NEGR1: variants seen among roughly 807,000 people sequenced by gnomAD.
The protein encoded by NEGR1 is IgLON family member 4.
In NEGR1, 10 loss-of-function variants were observed where a neutral mutation model predicts 40.9. That is an observed-to-expected ratio of 0.24 (90% CI 0.15 to 0.42). The LOEUF (loss-of-function observed/expected upper bound fraction) is 0.42, where lower values mean the gene tolerates loss of function less well. NEGR1 is among the 10% of genes least tolerant of loss of function. NEGR1 has a pLI of 1.00. For synonymous variants in NEGR1, 185 were observed against 166.8 expected (o/e 1.11, Z -0.84); for missense variants, 352 against 438.9 (o/e 0.80, Z 1.77).
chr1:72,191,996 A>C (rs967251375), intron 1 of NEGR1, among the ~76,000 whole-genome samples: 1 of 151,968 alleles, frequency 6.6e-6, no homozygotes, highest in Non-Finnish European at 1.5e-5. Context: ...ATACTGTTTT[A>C]TCTCATATAA....
At chr1:71,571,463 T>C (rs1648804999) in intron 6 of NEGR1, among the ~76,000 whole-genome samples, 1 of 152,202 alleles carries the variant, frequency 6.6e-6, no homozygotes, top group Non-Finnish European at 1.5e-5. Context: ...GGCTAAAATA[T>C]GCAAAAGCAA....
At chr1:72,120,943 G>A (rs1429931266) in intron 1 of NEGR1, among the ~76,000 whole-genome samples, 2 of 152,060 alleles carry the variant, frequency 1.3e-5, no homozygotes, top group African/African-American at 2.4e-5. Flanking sequence ...CAGTAATGAA[G>A]GTGCCAACAC....
intron 3 of NEGR1, among the ~76,000 whole-genome samples, chr1:71,735,254 C>G (rs1236335384): frequency 6.6e-6 from 1 of 152,072 alleles, no homozygotes; most frequent in Non-Finnish European, 1.5e-5. Context: ...TTACAAAACC[C>G]TAAGAGCTCC....
chr1:71,994,547 CA>C lies in NEGR1; in HGVS notation c.177-59237del, dbSNP rs1220980287. Among the ~76,000 whole-genome samples, 527 of 59,470 alleles carry C rather than the reference CA, an allele frequency of 8.9e-3. 4 individuals carry two copies. Among genetic ancestry groups the C allele is most frequent in the African/African-American group, 0.023 (438 of 19,138 alleles). The allele number at this position is 59,470 out of a possible 152,430, so 39.0% of individuals were successfully genotyped here. The stretch of plus-strand genomic sequence containing the variant: ...TGTCTCAAAAACAAAACAAAACAAA[CA>C]AAAAAAAAAAACACTCATCACAAAA... On this transcript the variant is annotated intron_variant, in intron 1 of 6. Transcript: ENST00000357731.
chr1:71,622,186 T>C (rs1650632230), intron 4 of NEGR1, among the ~76,000 whole-genome samples: 1 of 151,904 alleles, frequency 6.6e-6, no homozygotes, highest in Non-Finnish European at 1.5e-5. Context: ...CCTAGCTGTT[T>C]GCCGAACTTT....
At chr1:71,576,652 T>C (rs1433443932) in intron 6 of NEGR1, among the ~76,000 whole-genome samples, 1 of 152,236 alleles carries the variant, frequency 6.6e-6, no homozygotes, top group Non-Finnish European at 1.5e-5. Context: ...ATAACCACAA[T>C]TTTAGGCAAA....
In NEGR1 at chr1:71,609,509, C is replaced by A. The variant is rs1255201843; in HGVS notation, c.788+1517G>T. On this transcript the variant is annotated intron_variant, in intron 5 of 6. Coordinates refer to ENST00000357731, the MANE Select transcript of NEGR1 (RefSeq NM_173808.3). Reference sequence around the variant, plus strand: ...CAGCCTGGGCGACAAACCAAGACTCCGTCTCAAAAAAAAAAAAAAAAAAAA... The same window carrying A: ...CAGCCTGGGCGACAAACCAAGACTCAGTCTCAAAAAAAAAAAAAAAAAAAA... 2.4e-4 allele frequency among the ~76,000 whole-genome samples: 9 copies of A among 36,964 alleles called. No homozygotes were observed. In the Admixed American group the frequency reaches 3.3e-3, roughly 13 times the overall value. 24.2% of individuals were successfully genotyped at this position (36,964 alleles called of 152,430 possible). A position where few individuals can be genotyped will look rare whatever the true frequency, so the allele number is the denominator to read the frequency against.
chr1:71,877,963 G>T (rs1660479069), intron 2 of NEGR1, among the ~76,000 whole-genome samples: 1 of 152,054 alleles, frequency 6.6e-6, no homozygotes, highest in South Asian at 2.1e-4. Context: ...ACTTCATTTA[G>T]ACTTCATTTA....
At chr1:71,665,929 T>C (rs1013956917) in intron 4 of NEGR1, among the ~76,000 whole-genome samples, 4 of 152,190 alleles carry the variant, frequency 2.6e-5, no homozygotes, top group African/African-American at 9.6e-5. Context: ...TCAAAATTCT[T>C]ATACAGGACT....
At chr1:71,501,176 C>T (rs1297311395) in intron 6 of NEGR1, among the ~76,000 whole-genome samples, 1 of 152,048 alleles carries the variant, frequency 6.6e-6, no homozygotes, top group Non-Finnish European at 1.5e-5. Context: ...TGCACATATA[C>T]ATTTCTGTTA....
chr1:71,736,212 A>G (rs1266570566), intron 3 of NEGR1, among the ~76,000 whole-genome samples: 1 of 152,128 alleles, frequency 6.6e-6, no homozygotes, highest in East Asian at 1.9e-4. Flanking sequence ...ATTATTGTCT[A>G]TTAGTTCAGT....
chr1:71,593,045 C>T lies in NEGR1; in HGVS notation c.789-77G>A. ...ATTTTTTTATCTTAGCTGGGGTTGTCATGGCAACCCATAGACAATTCAACT... is the reference window on the plus strand; with the variant it reads ...ATTTTTTTATCTTAGCTGGGGTTGTTATGGCAACCCATAGACAATTCAACT... On this transcript the variant is annotated intron_variant, in intron 5 of 6. Transcript: ENST00000357731. 3 of 961,864 alleles carry T rather than the reference C, an allele frequency of 3.1e-6. No individual in the cohort carries two copies. In the South Asian group the frequency reaches 4.4e-5, roughly 14 times the overall value. 59.6% of individuals were successfully genotyped at this position (961,864 alleles called of 1,614,324 possible). A position where few individuals can be genotyped will look rare whatever the true frequency, so the allele number is the denominator to read the frequency against.
Position 71,927,215 on chromosome 1 carries a change from G to A in NEGR1, c.409+7864C>T, listed in dbSNP as rs561840735. ...TAACCATAGCAATTCTAGCCAGAAG[G>A]GATTGTGTGAAAAGAAAGCTGAAAA... On this transcript the variant is annotated intron_variant, in intron 2 of 6. Transcript: ENST00000357731. Among the ~76,000 whole-genome samples, 42 of 152,218 alleles carry A rather than the reference G, an allele frequency of 2.8e-4. No individual in the cohort carries two copies. In the South Asian group the frequency reaches 7.7e-3, roughly 28 times the overall value.
At position 71,801,556 on chromosome 1, in the gene NEGR1, T is replaced by A. The variant is rs571443633; in HGVS notation, c.410-25259A>T. Among the ~76,000 whole-genome samples the A allele has an allele frequency of 4.2e-4, 64 of 152,318 alleles. 1 individual carries two copies. The highest frequency in any genetic ancestry group is 1.3e-3 in the African/African-American group (55 of 41,588). Reference sequence around the variant, plus strand: ...CTTTCTTATCTCAGTTAATCATAACTAGTTTTTCCAATTTGCTCAAACCAA... The same window carrying A: ...CTTTCTTATCTCAGTTAATCATAACAAGTTTTTCCAATTTGCTCAAACCAA... On this transcript the variant is annotated intron_variant, in intron 2 of 6. Coordinates refer to ENST00000357731, the MANE Select transcript of NEGR1 (RefSeq NM_173808.3).
At chr1:71,750,693 C>T (rs902966910) in intron 3 of NEGR1, among the ~76,000 whole-genome samples, 5 of 152,120 alleles carry the variant, frequency 3.3e-5, no homozygotes, top group African/African-American at 1.2e-4. Flanking sequence ...CCTCCCATAA[C>T]ATGTGGGAAT....
At position 71,501,722 on chromosome 1, in the gene NEGR1, T is replaced by C. The variant is rs192844178; in HGVS notation, c.940+91095A>G. 4.3e-3 allele frequency among the ~76,000 whole-genome samples: 648 copies of C among 152,256 alleles called. 2 individuals are homozygous for C. Among genetic ancestry groups the C allele is most frequent in the Admixed American group, 9.0e-3 (138 of 15,290 alleles). On this transcript the variant is annotated intron_variant, in intron 6 of 6. Transcript: ENST00000357731. ...TGTGAGAGTGAAAAAATAATGTTCATAAAATTATAAACAAGAAATTTCACA... is the reference window on the plus strand; with the variant it reads ...TGTGAGAGTGAAAAAATAATGTTCACAAAATTATAAACAAGAAATTTCACA...
At chr1:72,059,023 G>A (rs1218459718) in intron 1 of NEGR1, among the ~76,000 whole-genome samples, 1 of 151,492 alleles carries the variant, frequency 6.6e-6, no homozygotes, top group Non-Finnish European at 1.5e-5. Flanking sequence ...AATGCGCATT[G>A]GAAATACAAC....
At chr1:72,066,770 GAAAAT>G (rs763231069) in intron 1 of NEGR1, among the ~76,000 whole-genome samples, 10 of 152,074 alleles carry the variant, frequency 6.6e-5, no homozygotes, top group Non-Finnish European at 1.2e-4. Context: ...AGAACTACGA[GAAAAT>G]AAAGTCATGC....
chr1:71,811,364 C>A (rs1289280357), intron 2 of NEGR1, among the ~76,000 whole-genome samples: 1 of 151,982 alleles, frequency 6.6e-6, no homozygotes, highest in Non-Finnish European at 1.5e-5. Flanking sequence ...AAAGAGCTAT[C>A]TGTTTGCCCC....
Sources: allele counts gnomAD v4.1 joint callset (sites outside exome capture counted in the v4.1 genomes callset), GRCh38; gene constraint gnomAD v4.1.1; transcripts MANE v1.5; gene names NCBI Gene and HGNC (gene_info 2026-07-23, HGNC 2026-07-21).